The following CPEB3 variants were observed in gnomAD, a reference collection of about 807,000 sequenced individuals.
CPEB3 encodes cytoplasmic polyadenylation element-binding protein 3.
A neutral mutation model predicts 67.2 loss-of-function variants in CPEB3; 20 were observed. That is an observed-to-expected ratio of 0.30 (90% CI 0.21 to 0.43). The LOEUF is 0.43. CPEB3 is among the 20% of genes least tolerant of loss of function. CPEB3 has a pLI of 1.00. For missense variants in CPEB3, 746 were observed against 968.6 expected, an observed-to-expected ratio of 0.77 and a Z score of 3.05; for synonymous variants, 376 against 393.1, an observed-to-expected ratio of 0.96 and a Z score of 0.51.
chr10:92,061,438 A>AC (rs1448169428), intron 9 of CPEB3, among the ~76,000 whole-genome samples: 4,330 of 139,514 alleles, frequency 0.031, 117 homozygotes, highest in African/African-American at 0.043. Context: ...AAAAAAAAAA[A>AC]AAAAACATAT....
intron 4 of CPEB3, among the ~76,000 whole-genome samples, chr10:92,149,464 G>A (rs1412931327): frequency 1.3e-5 from 2 of 152,174 alleles, no homozygotes; most frequent in South Asian, 2.1e-4. Context: ...GAGTGAAGAA[G>A]CAGATGTGGA....
intron 2 of CPEB3, among the ~76,000 whole-genome samples, chr10:92,196,113 G>A (rs919725278): frequency 1.3e-5 from 2 of 152,238 alleles, no homozygotes; most frequent in East Asian, 3.9e-4. Flanking sequence ...ATAGATTCCT[G>A]GGTTCCAGCT....
chr10:92,271,101 T>C (rs1246958335), intron 1 of CPEB3, among the ~76,000 whole-genome samples: 1 of 152,240 alleles, frequency 6.6e-6, no homozygotes, highest in East Asian at 1.9e-4. Flanking sequence ...GAGAATCGCT[T>C]GAACCTGAGA....
intron 2 of CPEB3, among the ~76,000 whole-genome samples, chr10:92,199,377 G>C (rs1468198267): frequency 8.3e-6 from 1 of 120,700 alleles, no homozygotes; most frequent in Non-Finnish European, 1.7e-5. Flanking sequence ...GGCAACAAAA[G>C]TGAAACTCTG....
chr10:92,166,070 C>T (rs1166847898), intron 4 of CPEB3, among the ~76,000 whole-genome samples: 1 of 151,934 alleles, frequency 6.6e-6, no homozygotes, highest in African/African-American at 2.4e-5. Flanking sequence ...AGAGGAAGCA[C>T]AATCTATGGC....
intron 6 of CPEB3, among the ~76,000 whole-genome samples, chr10:92,139,705 C>CA (rs1846301413): frequency 6.6e-6 from 1 of 152,060 alleles, no homozygotes; most frequent in Admixed American, 6.5e-5. Flanking sequence ...GTTTATAACA[C>CA]AAAGAAATGA....
chr10:92,178,635 G>A (rs887882280), intron 4 of CPEB3, among the ~76,000 whole-genome samples: 4 of 152,024 alleles, frequency 2.6e-5, no homozygotes, highest in Non-Finnish European at 2.9e-5. Flanking sequence ...GCAGCAAGGA[G>A]TTCAAGACCA....
At chr10:92,234,207 A>T (rs1368112069) in intron 2 of CPEB3, among the ~76,000 whole-genome samples, 1 of 152,146 alleles carries the variant, frequency 6.6e-6, no homozygotes, top group African/African-American at 2.4e-5. Flanking sequence ...AATCCAGGCA[A>T]TCTGCTGCTA....
At chr10:92,214,734 C>T (rs1850262123) in intron 2 of CPEB3, among the ~76,000 whole-genome samples, 1 of 152,158 alleles carries the variant, frequency 6.6e-6, no homozygotes, top group Non-Finnish European at 1.5e-5. Flanking sequence ...GATCCGCCCA[C>T]CTCGGCCTCT....
intron 1 of CPEB3, among the ~76,000 whole-genome samples, chr10:92,263,339 G>A (rs1852895443): frequency 6.6e-6 from 1 of 152,184 alleles, no homozygotes; most frequent in African/African-American, 2.4e-5. Context: ...GCCTCCCAAA[G>A]TGTTGGGATT....
At position 92,111,310 on chromosome 10, in the gene CPEB3, T is replaced by C. The variant is rs145051728; in HGVS notation, c.1454-116A>G. 15 of 736,328 alleles carry C rather than the reference T, an allele frequency of 2.0e-5. No homozygotes were observed. The African/African-American group carries it at 2.6e-4, about 13-fold the overall frequency. 45.6% of individuals were successfully genotyped at this position (736,328 alleles called of 1,614,324 possible). ...CAAATTCTTACTAAAATCTAAGAAG[T>C]TCAAGTGGGACAAAGGGACTTTGTC... On this transcript the variant is annotated intron_variant, in intron 6 of 9. Transcript: ENST00000265997.
At chr10:92,277,291 T>C (rs1213005495) in intron 1 of CPEB3, among the ~76,000 whole-genome samples, 1 of 152,260 alleles carries the variant, frequency 6.6e-6, no homozygotes, top group South Asian at 2.1e-4. Flanking sequence ...TTTTGGAATT[T>C]CATCCATTTT....
chr10:92,223,520 A>G (rs1216395819), intron 2 of CPEB3, among the ~76,000 whole-genome samples: 1 of 148,050 alleles, frequency 6.8e-6, no homozygotes, highest in Non-Finnish European at 1.5e-5. Context: ...TTTATTTCCT[A>G]CATGCAAGTA....
At chr10:92,192,172 G>A (rs1459244553) in intron 3 of CPEB3, among the ~76,000 whole-genome samples, 1 of 152,132 alleles carries the variant, frequency 6.6e-6, no homozygotes, top group Non-Finnish European at 1.5e-5. Context: ...GTTCAGCTGA[G>A]GATTCCAAAT....
Position 92,240,199 on chromosome 10 carries a change from C to T in CPEB3, c.152G>A (p.Ser51Asn), listed in dbSNP as rs34021939. ...SSETPKPEENSAVPALSPAAA... is the reference protein window; with the variant it reads ...SSETPKPEENNAVPALSPAAA... Reference sequence around the variant, plus strand: ...GGCTGGGCTGAGGGCCGGCACTGCGCTGTTTTCCTCCGGCTTGGGGGTCTC... The same window carrying T: ...GGCTGGGCTGAGGGCCGGCACTGCGTTGTTTTCCTCCGGCTTGGGGGTCTC... The change falls in exon 2 of 10, where the codon AGC (serine) becomes AAC (asparagine). Residue 51 changes from serine (S) to asparagine (N), a missense_variant. Ser to Asn is a conservative substitution (Grantham distance 46). Coordinates refer to ENST00000265997, the MANE Select transcript of CPEB3 (RefSeq NM_014912.5). 1.7e-3 allele frequency: 2,639 copies of T among 1,516,692 alleles called. 15 individuals carry two copies. The highest frequency in any genetic ancestry group is 8.5e-3 in the Middle Eastern group (49 of 5,764). 94.0% of individuals were successfully genotyped at this position (1,516,692 alleles called of 1,614,324 possible).
intron 1 of CPEB3, among the ~76,000 whole-genome samples, chr10:92,258,780 C>G (rs557632222): frequency 3.3e-5 from 5 of 149,944 alleles, no homozygotes; most frequent in Non-Finnish European, 7.4e-5. Flanking sequence ...GACTCAGCTT[C>G]CTGAGTAGCT....
At chr10:92,131,283 T>C (rs1018197721) in intron 6 of CPEB3, among the ~76,000 whole-genome samples, 1 of 152,162 alleles carries the variant, frequency 6.6e-6, no homozygotes, top group African/African-American at 2.4e-5. Context: ...TAATGTACTA[T>C]AGTTCTATAT....
intron 4 of CPEB3, among the ~76,000 whole-genome samples, chr10:92,174,779 C>T (rs1590305093): frequency 1.3e-5 from 2 of 152,080 alleles, no homozygotes; most frequent in East Asian, 3.8e-4. Flanking sequence ...ACTCTAATTA[C>T]ATCAAAGATC....
intron 4 of CPEB3, among the ~76,000 whole-genome samples, chr10:92,147,780 GGGAGT>G (rs2133862860): frequency 6.6e-6 from 1 of 152,142 alleles, no homozygotes; most frequent in Non-Finnish European, 1.5e-5. Context: ...TTGTCAGAGT[GGGAGT>G]TTCTGAAGTA....
Sources: allele counts gnomAD v4.1 joint callset (sites outside exome capture counted in the v4.1 genomes callset), GRCh38; gene constraint gnomAD v4.1.1; transcripts MANE v1.5; gene names NCBI Gene and HGNC (gene_info 2026-07-23, HGNC 2026-07-21).